Variants in GOLGB1 observed in about 807,000 individuals in gnomAD.
GOLGB1 encodes golgin subfamily B member 1.
Under a neutral mutation model 336.9 loss-of-function variants are expected in GOLGB1, and 174 were observed. The observed-to-expected ratio is 0.52, with a 90% CI of 0.46 to 0.59. The LOEUF (loss-of-function observed/expected upper bound fraction) is 0.59, where lower values mean the gene tolerates loss of function less well. Ranked by LOEUF, GOLGB1 falls within the 20% of genes least tolerant of loss-of-function variation. The pLI is 0.00. For synonymous variants in GOLGB1, 1,208 were observed against 1,289.2 expected (o/e 0.94, Z 1.35); for missense variants, 3,331 against 3,645.3 (o/e 0.91, Z 2.22).
chr3:121,730,122 T>C, intron 2 of GOLGB1, 105 bp from the exon 3 acceptor site: 3 of 684,544 alleles, frequency 4.4e-6, no homozygotes, highest in East Asian at 5.4e-5. Context: ...TTCATATTCT[T>C]GTTAACTTAA....
Position 121,664,431 on chromosome 3 carries a change from A to G in GOLGB1, c.*49T>C, listed in dbSNP as rs1339401393. ...AATTGATGTTCTGATGTTAGAGGTGAGAGAATTCCAAGTTTTGAGGGGAGT... is the reference window on the plus strand; with the variant it reads ...AATTGATGTTCTGATGTTAGAGGTGGGAGAATTCCAAGTTTTGAGGGGAGT... On this transcript the variant is annotated 3_prime_UTR_variant, in exon 22 of 22. Transcript: ENST00000614479. 2 of 1,504,002 alleles carry G rather than the reference A, an allele frequency of 1.3e-6. No individual in the cohort carries two copies. Among genetic ancestry groups the G allele is most frequent in the Non-Finnish European group, 1.9e-6 (2 of 1,080,026 alleles). The allele number at this position is 1,504,002 out of a possible 1,614,324, so 93.2% of individuals were successfully genotyped here. A position where few individuals can be genotyped will look rare whatever the true frequency, so the allele number is the denominator to read the frequency against.
intron 9 of GOLGB1, among the ~76,000 whole-genome samples, chr3:121,715,501 G>T (rs1231305380): frequency 2.0e-5 from 3 of 151,466 alleles, no homozygotes; most frequent in Non-Finnish European, 2.9e-5. Context: ...TAGCAGGCGT[G>T]GGGAGGCCTA....
chr3:121,749,194 G>A (rs144867146), intron 1 of GOLGB1: 1 of 152,354 alleles, frequency 6.6e-6, no homozygotes, highest in African/African-American at 2.4e-5. Flanking sequence ...CCTCCCCTTC[G>A]GGACACCAAG....
chr3:121,738,323 C>G (rs572723536), intron 1 of GOLGB1, among the ~76,000 whole-genome samples: 40 of 152,312 alleles, frequency 2.6e-4, no homozygotes, highest in African/African-American at 9.1e-4. Context: ...GATTTTGTAT[C>G]TTCCTTTATT....
intron 17 of GOLGB1, among the ~76,000 whole-genome samples, chr3:121,675,227 TG>T (rs1259405670): frequency 6.6e-6 from 1 of 152,232 alleles, no homozygotes; most frequent in Non-Finnish European, 1.5e-5. Context: ...ACACTTTAAG[TG>T]GAATTACATA....
chr3:121,706,410 G>GAC (rs1943825375), intron 10 of GOLGB1, among the ~76,000 whole-genome samples: 1 of 151,914 alleles, frequency 6.6e-6, no homozygotes, highest in South Asian at 2.1e-4. Flanking sequence ...CAGGAAAAAA[G>GAC]AGAGAAGCAT....
intron 14 of GOLGB1, among the ~76,000 whole-genome samples, chr3:121,688,119 T>A (rs1941949268): frequency 6.6e-6 from 1 of 152,164 alleles, no homozygotes; most frequent in Admixed American, 6.5e-5. Context: ...GGGGTAATAA[T>A]CTTTTCACTA....
chr3:121,683,805 C>G (rs1426820075), intron 14 of GOLGB1, among the ~76,000 whole-genome samples: 1 of 151,820 alleles, frequency 6.6e-6, no homozygotes, highest in Non-Finnish European at 1.5e-5. Context: ...CGTCAAAAAA[C>G]AAAACTACCA....
chr3:121,667,374 T>G, intron 20 of GOLGB1, 102 bp downstream of exon 20: 4 of 1,252,672 alleles, frequency 3.2e-6, no homozygotes, highest in African/African-American at 1.5e-5. Context: ...TACCTCAAGA[T>G]GAGAAAAAGA....
chr3:121,700,857 G>A (rs1051205759), intron 11 of GOLGB1, among the ~76,000 whole-genome samples: 3 of 151,980 alleles, frequency 2.0e-5, no homozygotes, highest in African/African-American at 7.3e-5. Flanking sequence ...TCTTCTCCAA[G>A]GCATACTTGA....
At chr3:121,680,866 T>C (rs796517873) in intron 15 of GOLGB1, among the ~76,000 whole-genome samples, 1 of 152,162 alleles carries the variant, frequency 6.6e-6, no homozygotes, top group Admixed American at 6.5e-5. Context: ...AAAGAGGATA[T>C]ATGGATGTCA....
At position 121,729,328 on chromosome 3, in the gene GOLGB1, C is replaced by G. The variant is rs199737833; in HGVS notation, c.262G>C (p.Ala88Pro). 1 of 1,611,934 alleles carries G rather than the reference C, an allele frequency of 6.2e-7. No homozygotes were observed. The highest frequency in any genetic ancestry group is 8.5e-7 in the Non-Finnish European group (1 of 1,178,720). The change falls in exon 4 of 22, where the codon GCT becomes CCT. Residue 88 changes from alanine (A) to proline (P), a missense_variant. By Grantham distance (27) the Ala-to-Pro change is conservative (BLOSUM62 -1). Coordinates refer to ENST00000614479, the MANE Select transcript of GOLGB1 (RefSeq NM_001366282.2). ...KDEALQEERK[A>P]ADNKIKKLKL... ...AGTTTTTTAATTTTGTTATCAGCAG[C>G]TTTTCTCTCTTCCTGCCCAAAAACA...
At chr3:121,683,895 C>T (rs751373454) in intron 14 of GOLGB1, among the ~76,000 whole-genome samples, 5 of 151,876 alleles carry the variant, frequency 3.3e-5, no homozygotes, top group Middle Eastern at 3.4e-3. Context: ...TTTGGGGGGC[C>T]GAGGTGGGCA....
intron 15 of GOLGB1, among the ~76,000 whole-genome samples, chr3:121,679,237 G>A (rs1940781542): frequency 6.6e-6 from 1 of 152,130 alleles, no homozygotes; most frequent in African/African-American, 2.4e-5. Context: ...ATTAGATAAT[G>A]CAAATATTCC....
chr3:121,690,797 T>G lies in GOLGB1; in HGVS notation c.8567A>C (p.Glu2856Ala). Residue 2856 changes from glutamate (E) to alanine (A), a missense_variant, in exon 14 of 22, where the codon GAG becomes GCG. Transcript: ENST00000614479. The stretch of plus-strand genomic sequence containing the variant: ...CTCTGACTTTCGAAATTTCTCCAGC[T>G]CATTCCACAGGTGATCTCTCTCATT... ...LQNERDHLWN[E>A]LEKFRKSEEG... 6.2e-7 allele frequency: 1 copy of G among 1,602,278 alleles called. No individual in the cohort carries two copies. Among genetic ancestry groups the G allele is most frequent in the Non-Finnish European group, 8.5e-7 (1 of 1,175,082 alleles).
At chr3:121,669,135 T>C (rs1939125842) in intron 18 of GOLGB1, 77 bp downstream of exon 18, 6 of 1,409,984 alleles carry the variant, frequency 4.3e-6, no homozygotes, top group Non-Finnish European at 3.9e-6. Context: ...ACTTCTTCCA[T>C]ACTGCTCTGT....
Position 121,690,558 on chromosome 3 carries a change from G to A in GOLGB1, c.8694+112C>T, listed in dbSNP as rs145796409. The A allele has an allele frequency of 6.5e-4, 335 of 517,628 alleles. 1 individual carries two copies. Among genetic ancestry groups the A allele is most frequent in the African/African-American group, 5.8e-3 (298 of 51,232 alleles). 32.1% of individuals were successfully genotyped at this position (517,628 alleles called of 1,614,324 possible). ...CTGTGGGATACATAATACTTTCCCT[G>A]CGTTCCCAGATAATATGTATAAGAA... On this transcript the variant is annotated intron_variant, in intron 14 of 21. Coordinates refer to ENST00000614479, the MANE Select transcript of GOLGB1 (RefSeq NM_001366282.2).
intron 15 of GOLGB1, among the ~76,000 whole-genome samples, chr3:121,678,383 A>C (rs1054121086): frequency 6.6e-6 from 1 of 152,188 alleles, no homozygotes. Context: ...TATTTATACT[A>C]TATTGACAGT....
chr3:121,717,203 A>C, intron 8 of GOLGB1, 64 bp from the exon 9 acceptor site: 1 of 1,336,286 alleles, frequency 7.5e-7, no homozygotes, highest in Non-Finnish European at 1.0e-6. Flanking sequence ...AAGCATTGTA[A>C]AGTGCTTTTT....
Sources: allele counts gnomAD v4.1 joint callset (sites outside exome capture counted in the v4.1 genomes callset), GRCh38; gene constraint gnomAD v4.1.1; transcripts MANE v1.5; gene names NCBI Gene and HGNC (gene_info 2026-07-23, HGNC 2026-07-21).